ABHD6: variants seen among roughly 807,000 people sequenced by gnomAD.
ABHD6 encodes the protein abhydrolase domain containing 6, acylglycerol lipase.
A neutral mutation model predicts 38.8 loss-of-function variants in ABHD6; 33 were observed. The ratio of observed to expected loss-of-function variants is 0.85; its 90% CI spans 0.64 to 1.14. The LOEUF (loss-of-function observed/expected upper bound fraction) is 1.14, where lower values mean the gene tolerates loss of function less well. Among genes scored for constraint, ABHD6 ranks in the 50% most tolerant of loss-of-function variants. The pLI, the probability that ABHD6 is intolerant of heterozygous loss-of-function variation, is 0.00. For synonymous variants in ABHD6, 147 were observed against 161.6 expected (o/e 0.91, Z 0.69); for missense variants, 380 against 422.6 (o/e 0.90, Z 0.88).
rs570187249 is a variant in ABHD6, at chr3:58,293,673, G to T, written c.922G>T (p.Val308Leu). 1 of 1,614,242 alleles carries T rather than the reference G, an allele frequency of 6.2e-7. No individual in the cohort carries two copies. Among genetic ancestry groups the T allele is most frequent in the South Asian group, 1.1e-5 (1 of 91,086 alleles). Residue 308 changes from valine (V) to leucine (L), a missense_variant, in exon 10 of 10, where the codon GTA becomes TTA. Transcript: ENST00000478253. The surrounding 1 kb of genome is among the most constrained non-coding windows in gnomAD (Gnocchi z 4.4). Reference protein sequence around the residue: ...VELLENCGHSVVMERPRKTAK... With the variant: ...VELLENCGHSLVMERPRKTAK... ...GCTTCTGGAAAACTGTGGGCACTCA[G>T]TAGTGATGGAAAGACCCAGGAAGAC...
intron 3 of ABHD6, among the ~76,000 whole-genome samples, chr3:58,260,562 G>A (rs1220155119): frequency 6.6e-6 from 1 of 152,166 alleles, no homozygotes; most frequent in Non-Finnish European, 1.5e-5. Context: ...TTTACACAGT[G>A]GTTGTCATAG....
At chr3:58,283,326 G>A (rs776973387) in intron 7 of ABHD6, among the ~76,000 whole-genome samples, 1 of 152,164 alleles carries the variant, frequency 6.6e-6, no homozygotes, top group Non-Finnish European at 1.5e-5. Flanking sequence ...AACACCAAGA[G>A]AAAAATAAAT....
At position 58,256,659 on chromosome 3, in the gene ABHD6, G is replaced by T. The variant is rs749695931; in HGVS notation, c.73G>T (p.Ala25Ser). The T allele has an allele frequency of 2.5e-6, 4 of 1,613,522 alleles. No homozygotes were observed. Among genetic ancestry groups the T allele is most frequent in the Non-Finnish European group, 3.4e-6 (4 of 1,180,012 alleles). Residue 25 changes from alanine (A) to serine (S), a missense_variant, in exon 3 of 10, where the codon GCT becomes TCT. Ala to Ser is a moderately conservative substitution (Grantham distance 99, BLOSUM62 1). Coordinates refer to ENST00000478253, the MANE Select transcript of ABHD6 (RefSeq NM_001320126.2). This position sits in a 1 kb window ranked among gnomAD's most constrained non-coding sequence, Gnocchi z 4.3. ...TLAIPILAFV[A>S]SFLLWPSALI... ...GGCCATCCCAATCCTGGCATTTGTG[G>T]CTTCATTTCTTCTGTGGCCTTCAGC... is the stretch of plus-strand genomic sequence containing the variant.
chr3:58,260,970 G>A (rs1241159173), intron 3 of ABHD6, among the ~76,000 whole-genome samples: 1 of 152,178 alleles, frequency 6.6e-6, no homozygotes, highest in African/African-American at 2.4e-5. Flanking sequence ...CAACACCGTG[G>A]ACTATGGCTG....
chr3:58,293,573 C>T lies in ABHD6; in HGVS notation c.838-16C>T. The T allele has an allele frequency of 6.2e-7, 1 of 1,613,240 alleles. No individual in the cohort carries two copies. The highest frequency in any genetic ancestry group is 8.5e-7 in the Non-Finnish European group (1 of 1,179,426). On this transcript the variant is annotated splice_polypyrimidine_tract_variant and intron_variant, in intron 9 of 9. Coordinates refer to ENST00000478253, the MANE Select transcript of ABHD6 (RefSeq NM_001320126.2). The surrounding 1 kb of genome is among the most constrained non-coding windows in gnomAD (Gnocchi z 4.4). ...GAATCTTTGTGTATCATCCAGCTCCCTTTCTTGCCCAGCAGGTGCTGGATG... is the reference window on the plus strand; with the variant it reads ...GAATCTTTGTGTATCATCCAGCTCCTTTTCTTGCCCAGCAGGTGCTGGATG...
At chr3:58,245,956 G>C (rs2097426094) in intron 1 of ABHD6, among the ~76,000 whole-genome samples, 1 of 152,178 alleles carries the variant, frequency 6.6e-6, no homozygotes, top group Admixed American at 6.5e-5. Context: ...TTTTCCATCT[G>C]CTATATAGCA....
intron 2 of ABHD6, among the ~76,000 whole-genome samples, chr3:58,255,008 G>A (rs2097432373): frequency 6.6e-6 from 1 of 151,900 alleles, no homozygotes; most frequent in Non-Finnish European, 1.5e-5. Flanking sequence ...ATGGGCCACG[G>A]AACCCAGCCT....
intron 6 of ABHD6, among the ~76,000 whole-genome samples, chr3:58,271,333 TAAA>T (rs3038089): frequency 1.0e-4 from 15 of 149,180 alleles, no homozygotes; most frequent in South Asian, 2.1e-4. Flanking sequence ...ATTTAAAATT[TAAA>T]AAAAAAAAAA....
In ABHD6 at chr3:58,285,290, T is replaced by A; in HGVS notation, c.737-63T>A. 1 of 1,565,856 alleles carries A rather than the reference T, an allele frequency of 6.4e-7. No homozygotes were observed. The highest frequency in any genetic ancestry group is 8.8e-7 in the Non-Finnish European group (1 of 1,136,308). ...CCTGGATCTGGTGACTATCCCTTGATTCTGCGGTGGTGCCACAGGCACAGT... is the reference window on the plus strand; with the variant it reads ...CCTGGATCTGGTGACTATCCCTTGAATCTGCGGTGGTGCCACAGGCACAGT... On this transcript the variant is annotated intron_variant, in intron 8 of 9. Coordinates refer to ENST00000478253, the MANE Select transcript of ABHD6 (RefSeq NM_001320126.2). This position sits in a 1 kb window ranked among gnomAD's most constrained non-coding sequence, Gnocchi z 4.9.
At chr3:58,277,961 G>A (rs925201349) in intron 7 of ABHD6, among the ~76,000 whole-genome samples, 2 of 152,158 alleles carry the variant, frequency 1.3e-5, no homozygotes, top group Admixed American at 6.5e-5. Context: ...GGATGAAGCC[G>A]ACTTGATCGT....
chr3:58,252,478 T>C (rs2097430701), intron 2 of ABHD6, among the ~76,000 whole-genome samples: 1 of 152,086 alleles, frequency 6.6e-6, no homozygotes, highest in Non-Finnish European at 1.5e-5. Flanking sequence ...CCTCCCAAAG[T>C]GCTGGGATTA....
chr3:58,283,160 A>G (rs1254465021), intron 7 of ABHD6, among the ~76,000 whole-genome samples: 1 of 152,180 alleles, frequency 6.6e-6, no homozygotes, highest in East Asian at 1.9e-4. Flanking sequence ...CCCTCAGGAA[A>G]CACCCAGAAT....
chr3:58,286,270 C>T (rs1403504069), intron 9 of ABHD6, among the ~76,000 whole-genome samples: 2 of 152,308 alleles, frequency 1.3e-5, no homozygotes, highest in Non-Finnish European at 2.9e-5. Flanking sequence ...CTGCCGGCCT[C>T]AGCCTCCCAA....
chr3:58,279,897 T>A (rs2097451780), intron 7 of ABHD6, among the ~76,000 whole-genome samples: 1 of 152,224 alleles, frequency 6.6e-6, no homozygotes, highest in East Asian at 1.9e-4. Context: ...TTCTTTTCTT[T>A]AAGAATGTTG....
intron 5 of ABHD6, among the ~76,000 whole-genome samples, chr3:58,270,215 T>C (rs2097443871): frequency 3.3e-5 from 5 of 152,110 alleles, no homozygotes; most frequent in Admixed American, 1.3e-4. Context: ...GTTATATGAA[T>C]GGATGGTCAG....
At chr3:58,289,898 C>T in intron 9 of ABHD6, among the ~76,000 whole-genome samples, 1 of 133,706 alleles carries the variant, frequency 7.5e-6, no homozygotes, top group African/African-American at 3.0e-5. Context: ...GACGGGGTGG[C>T]TGGCCGGGCA....
At chr3:58,245,144 T>C (rs1446554599) in intron 1 of ABHD6, among the ~76,000 whole-genome samples, 2 of 152,226 alleles carry the variant, frequency 1.3e-5, no homozygotes, top group African/African-American at 2.4e-5. Context: ...TGGAAAGTAC[T>C]GTAGACCAAC....
chr3:58,289,756 C>G (rs1218481270), intron 9 of ABHD6, among the ~76,000 whole-genome samples: 1 of 152,202 alleles, frequency 6.6e-6, no homozygotes, highest in Admixed American at 6.5e-5. Flanking sequence ...TTGGGCACAC[C>G]TCCCAGACGG....
At chr3:58,242,476 T>G (rs906706774) in intron 1 of ABHD6, among the ~76,000 whole-genome samples, 18 of 152,232 alleles carry the variant, frequency 1.2e-4, no homozygotes, top group African/African-American at 4.3e-4. Context: ...TTGACACTGG[T>G]GGGGCAGCCC....
Sources: allele counts gnomAD v4.1 joint callset (sites outside exome capture counted in the v4.1 genomes callset), GRCh38; gene constraint gnomAD v4.1.1; non-coding constraint Gnocchi (gnomAD v3.1); transcripts MANE v1.5; gene names NCBI Gene and HGNC (gene_info 2026-07-23, HGNC 2026-07-21).